The following RRP1B variants were observed in gnomAD, a reference collection of about 807,000 sequenced individuals.
The protein encoded by RRP1B is ribosomal RNA processing protein 1 homolog B.
Under a neutral mutation model 80.2 loss-of-function variants are expected in RRP1B, and 56 were observed. The ratio of observed to expected loss-of-function variants is 0.70; its 90% CI spans 0.56 to 0.87. The LOEUF (loss-of-function observed/expected upper bound fraction) is 0.87. RRP1B is among the 40% of genes least tolerant of loss of function. The probability of loss-of-function intolerance (pLI) is 0.00; values close to 1 mark genes in which losing one functional copy is unlikely to be tolerated. For synonymous variants in RRP1B, 351 were observed against 357.6 expected (o/e 0.98, Z 0.21); for missense variants, 807 against 939.8 (o/e 0.86, Z 1.85).
intron 2 of RRP1B, among the ~76,000 whole-genome samples, chr21:43,671,717 T>C (rs771496224): frequency 2.0e-5 from 3 of 150,884 alleles, no homozygotes; most frequent in Non-Finnish European, 4.4e-5. Context: ...TGAGATGGAG[T>C]CTAGCTCTGT....
chr21:43,680,252 T>G (rs2083038139), intron 8 of RRP1B, among the ~76,000 whole-genome samples: 1 of 152,184 alleles, frequency 6.6e-6, no homozygotes, highest in Non-Finnish European at 1.5e-5. Flanking sequence ...CCAAAATGTT[T>G]TATTTATTTA....
intron 6 of RRP1B, among the ~76,000 whole-genome samples, chr21:43,675,704 C>A (rs566844218): frequency 6.6e-6 from 1 of 152,138 alleles, no homozygotes; most frequent in African/African-American, 2.4e-5. Context: ...CCTGTTACCC[C>A]TCTTGTAGAG....
rs567364998 is a variant in RRP1B at position 43,687,968 on chromosome 21, G to A, written c.1594G>A (p.Val532Ile). Residue 532 changes from valine (V) to isoleucine (I), a missense_variant, in exon 13 of 16, where the codon GTC becomes ATC. Transcript: ENST00000340648. ...GAAGCGGAAACTTGGAGTTGTGCCC[G>A]TCAATGGCAGTGGCCTGTCCACGCC... The part of the protein sequence containing the change: ...KRKRKLGVVP[V>I]NGSGLSTPAW... The A allele has an allele frequency of 2.6e-5, 42 of 1,613,164 alleles. No homozygotes were observed. The African/African-American group carries it at 3.5e-4, about 13-fold the overall frequency.
intron 13 of RRP1B, among the ~76,000 whole-genome samples, chr21:43,689,746 G>A (rs894908326): frequency 2.0e-5 from 3 of 152,366 alleles, no homozygotes; most frequent in African/African-American, 4.8e-5. Flanking sequence ...CCCTCCAGGC[G>A]GCACACTTGA....
At chr21:43,666,869 A>G (rs1291491992) in intron 1 of RRP1B, among the ~76,000 whole-genome samples, 1 of 146,852 alleles carries the variant, frequency 6.8e-6, no homozygotes, top group African/African-American at 2.6e-5. Context: ...AACAGTTCTT[A>G]CCCATCTTTT....
Position 43,659,847 on chromosome 21 carries a change from C to T in RRP1B, c.130+53C>T. On this transcript the variant is annotated intron_variant, in intron 1 of 15. Transcript: ENST00000340648. The surrounding 1 kb of genome is among the most constrained non-coding windows in gnomAD (Gnocchi z 4.2). The stretch of plus-strand genomic sequence containing the variant: ...CCACATGGCGGGCCGGGGGCCGGGG[C>T]TGGGGCTAGGGCCAGGGCCCCGGCA... 1 of 1,464,074 alleles carries T rather than the reference C, an allele frequency of 6.8e-7. No individual in the cohort carries two copies. Among genetic ancestry groups the T allele is most frequent in the Non-Finnish European group, 9.1e-7 (1 of 1,101,244 alleles). The allele number at this position is 1,464,074 out of a possible 1,614,324, so 90.7% of individuals were successfully genotyped here.
At position 43,687,680 on chromosome 21, in the gene RRP1B, C is replaced by G. The variant is rs770776165; in HGVS notation, c.1306C>G (p.Leu436Val). 2.5e-6 allele frequency: 4 copies of G among 1,603,472 alleles called. No individual in the cohort carries two copies. Among genetic ancestry groups the G allele is most frequent in the East Asian group, 4.5e-5 (2 of 44,736 alleles). Residue 436 changes from leucine (L) to valine (V), a missense_variant, in exon 13 of 16, where the codon CTG (leucine) becomes GTG (valine). Coordinates refer to ENST00000340648, the MANE Select transcript of RRP1B (RefSeq NM_015056.3). ...NRGREPEASGLKALKARVAEP... is the reference protein window; with the variant it reads ...NRGREPEASGVKALKARVAEP... Reference sequence around the variant, plus strand: ...GGGCAGGGAGCCCGAGGCCTCTGGGCTGAAAGCCCTGAAGGCACGTGTGGC... The same window carrying G: ...GGGCAGGGAGCCCGAGGCCTCTGGGGTGAAAGCCCTGAAGGCACGTGTGGC...
At chr21:43,662,473 G>A (rs1465336626) in intron 1 of RRP1B, among the ~76,000 whole-genome samples, 1 of 152,190 alleles carries the variant, frequency 6.6e-6, no homozygotes, top group Non-Finnish European at 1.5e-5. Flanking sequence ...AAATAACTTG[G>A]CCTGACATTC....
chr21:43,670,481 G>A (rs543113913), intron 2 of RRP1B, among the ~76,000 whole-genome samples: 52 of 152,202 alleles, frequency 3.4e-4, no homozygotes, highest in Admixed American at 1.2e-3. Flanking sequence ...TGCTGAGCCC[G>A]CTAAGCCCAC....
At chr21:43,666,635 T>C (rs916603578) in intron 1 of RRP1B, among the ~76,000 whole-genome samples, 29 of 151,238 alleles carry the variant, frequency 1.9e-4, no homozygotes, top group African/African-American at 7.1e-4. Context: ...GGAGAATCGC[T>C]TGAACCTGGG....
chr21:43,688,296 T>C, intron 13 of RRP1B, 56 bp downstream of exon 13: 1 of 1,472,922 alleles, frequency 6.8e-7, no homozygotes, highest in Non-Finnish European at 9.0e-7. Context: ...CTCGCGTCCA[T>C]GGGGCTCCAC....
At chr21:43,688,300 G>A in intron 13 of RRP1B, 60 bp downstream of exon 13, 2 of 1,468,076 alleles carry the variant, frequency 1.4e-6, no homozygotes, top group Middle Eastern at 2.5e-4. Flanking sequence ...CGTCCATGGG[G>A]CTCCACTGCC....
rs530291257 is a variant in RRP1B at position 43,688,264 on chromosome 21, C to T, written c.1866+24C>T. 1.3e-5 allele frequency: 19 copies of T among 1,501,840 alleles called. No individual in the cohort carries two copies. In the African/African-American group the frequency reaches 1.8e-4, roughly 14 times the overall value. 93.0% of individuals were successfully genotyped at this position (1,501,840 alleles called of 1,614,324 possible). A position where few individuals can be genotyped will look rare whatever the true frequency, so the allele number is the denominator to read the frequency against. The stretch of plus-strand genomic sequence containing the variant: ...TGGTAAGGTGGGAGCACCCACAGGC[C>T]AGCTCGCCACAGAGGCACTCACTCG... On this transcript the variant is annotated intron_variant, in intron 13 of 15. Transcript: ENST00000340648.
chr21:43,689,202 C>T (rs961042467), intron 13 of RRP1B, among the ~76,000 whole-genome samples: 2 of 152,224 alleles, frequency 1.3e-5, no homozygotes, highest in Non-Finnish European at 2.9e-5. Context: ...CATGCTGCAG[C>T]GGCAGAGGGG....
intron 8 of RRP1B, among the ~76,000 whole-genome samples, chr21:43,682,810 C>G (rs1367284156): frequency 6.6e-6 from 1 of 152,242 alleles, no homozygotes; most frequent in Non-Finnish European, 1.5e-5. Context: ...ATAGCCTGAA[C>G]AATCAAAATG....
chr21:43,668,508 T>C (rs1340008432), intron 1 of RRP1B, among the ~76,000 whole-genome samples: 1 of 151,686 alleles, frequency 6.6e-6, no homozygotes, highest in Non-Finnish European at 1.5e-5. Context: ...GCTGGGACTA[T>C]AGGCGCCCGC....
intron 1 of RRP1B, among the ~76,000 whole-genome samples, chr21:43,667,853 A>G (rs1210456412): frequency 1.3e-5 from 2 of 152,220 alleles, no homozygotes; most frequent in African/African-American, 4.8e-5. Flanking sequence ...ATATACTTTA[A>G]TAAACTAGTT....
intron 8 of RRP1B, 35 bp from the exon 9 acceptor site, chr21:43,683,244 T>C (rs753149141): frequency 1.3e-6 from 2 of 1,520,126 alleles, no homozygotes; most frequent in Non-Finnish European, 1.8e-6. Flanking sequence ...GTATTTGATA[T>C]GTCAATAATT....
intron 8 of RRP1B, among the ~76,000 whole-genome samples, chr21:43,682,404 T>C (rs2083046995): frequency 1.3e-5 from 2 of 152,248 alleles, no homozygotes; most frequent in Non-Finnish European, 1.5e-5. Flanking sequence ...TAAAATAATT[T>C]TGAGTTCTCC....
Sources: allele counts gnomAD v4.1 joint callset (sites outside exome capture counted in the v4.1 genomes callset), GRCh38; gene constraint gnomAD v4.1.1; non-coding constraint Gnocchi (gnomAD v3.1); transcripts MANE v1.5; gene names NCBI Gene and HGNC (gene_info 2026-07-23, HGNC 2026-07-21).